Variants in PPARGC1A observed in about 807,000 individuals in gnomAD.
PPARGC1A encodes peroxisome proliferator-activated receptor gamma coactivator 1-alpha.
PPARGC1A carries 25 observed loss-of-function variants against 88.7 expected under a neutral mutation model. The ratio of observed to expected loss-of-function variants is 0.28; its 90% CI spans 0.21 to 0.39. The LOEUF is 0.39. PPARGC1A is among the 10% of genes least tolerant of loss of function. The pLI, the probability that PPARGC1A is intolerant of heterozygous loss-of-function variation, is 1.00. For synonymous variants in PPARGC1A, 363 were observed against 355.6 expected (o/e 1.02, Z -0.24); for missense variants, 880 against 968.7 (o/e 0.91, Z 1.22).
chr4:23,798,880 T>A (rs1424591347), intron 12 of PPARGC1A, among the ~76,000 whole-genome samples: 2 of 152,204 alleles, frequency 1.3e-5, no homozygotes, highest in Non-Finnish European at 2.9e-5. Flanking sequence ...TTTATAATAC[T>A]GGGTCATAAA....
the PPARGC1A span, among the ~76,000 whole-genome samples, chr4:23,961,211 G>C: frequency 2.6e-5 from 4 of 152,052 alleles, no homozygotes; most frequent in African/African-American, 7.2e-5. Context: ...CAGAACTTCC[G>C]ATGACAGAGC....
chr4:23,889,321 A>G (rs1248527079), intron 1 of PPARGC1A: 2 of 985,272 alleles, frequency 2.0e-6, no homozygotes, highest in Admixed American at 6.2e-5. Flanking sequence ...AAATCTTTCA[A>G]CCACGTATAG....
At chr4:24,371,370 A>G in the PPARGC1A span, among the ~76,000 whole-genome samples, 1 of 152,140 alleles carries the variant, frequency 6.6e-6, no homozygotes, top group African/African-American at 2.4e-5. Context: ...ATTTTATCCC[A>G]CCTTCAAGCT....
At chr4:24,194,631 C>CGCACACAT in the PPARGC1A span, among the ~76,000 whole-genome samples, 1 of 12,848 alleles carries the variant, frequency 7.8e-5, no homozygotes, top group African/African-American at 2.0e-4. Context: ...CACGCGCGCG[C>CGCACACAT]ACACACACAC....
chr4:24,175,695 TTTG>T, the PPARGC1A span, among the ~76,000 whole-genome samples: 3 of 151,960 alleles, frequency 2.0e-5, no homozygotes, highest in African/African-American at 4.8e-5. Flanking sequence ...GTCGATTTTT[TTTG>T]TTGTTTATCC....
At chr4:24,435,502 C>T in the PPARGC1A span, among the ~76,000 whole-genome samples, 2 of 152,152 alleles carry the variant, frequency 1.3e-5, no homozygotes, top group Non-Finnish European at 2.9e-5. Context: ...CTGGAGGAAG[C>T]TCTCCCCAAG....
At chr4:24,354,531 C>A in the PPARGC1A span, among the ~76,000 whole-genome samples, 1 of 152,182 alleles carries the variant, frequency 6.6e-6, no homozygotes, top group African/African-American at 2.4e-5. Context: ...TTCTTTTACT[C>A]ACTAAAATTG....
At chr4:23,896,707 C>T (rs554877265) in intron 1 of PPARGC1A, among the ~76,000 whole-genome samples, 1 of 151,944 alleles carries the variant, frequency 6.6e-6, no homozygotes, top group African/African-American at 2.4e-5. Flanking sequence ...TTAATTAGCC[C>T]GGGTGGGGTT....
At chr4:23,902,151 G>A (rs1719483353), upstream of PPARGC1A, among the ~76,000 whole-genome samples, 1 of 151,972 alleles carries the variant, frequency 6.6e-6, no homozygotes, top group South Asian at 2.1e-4. Context: ...TTAAGTCAAA[G>A]ACATTAAAAT....
At chr4:24,152,524 T>C in the PPARGC1A span, among the ~76,000 whole-genome samples, 1 of 152,192 alleles carries the variant, frequency 6.6e-6, no homozygotes, top group Admixed American at 6.5e-5. Context: ...GCTTTTGAGG[T>C]TGAACACAAT....
the PPARGC1A span, among the ~76,000 whole-genome samples, chr4:24,232,924 C>A: frequency 6.6e-6 from 1 of 152,070 alleles, no homozygotes; most frequent in Admixed American, 6.6e-5. Context: ...GAAAGCAAAT[C>A]GTGAAGGAAA....
the PPARGC1A span, among the ~76,000 whole-genome samples, chr4:24,428,585 G>A: frequency 1.3e-5 from 2 of 152,236 alleles, no homozygotes; most frequent in East Asian, 3.8e-4. Context: ...TTATAAAGGG[G>A]AAGCTGGATG....
chr4:24,153,095 C>T, the PPARGC1A span, among the ~76,000 whole-genome samples: 1 of 152,112 alleles, frequency 6.6e-6, no homozygotes, highest in Admixed American at 6.5e-5. Context: ...ACTTTGAATA[C>T]AGGAGGCGAA....
the PPARGC1A span, among the ~76,000 whole-genome samples, chr4:24,366,935 T>C: frequency 5.9e-5 from 9 of 152,288 alleles, no homozygotes; most frequent in Admixed American, 3.3e-4. Flanking sequence ...GGGACATTTA[T>C]GAAGGGAGAA....
At chr4:24,449,330 T>C in the PPARGC1A span, among the ~76,000 whole-genome samples, 1 of 152,208 alleles carries the variant, frequency 6.6e-6, no homozygotes, top group Non-Finnish European at 1.5e-5. Flanking sequence ...TGCCTCAGTG[T>C]AATTGGTCTG....
the PPARGC1A span, among the ~76,000 whole-genome samples, chr4:24,021,186 G>C: frequency 6.6e-6 from 1 of 152,192 alleles, no homozygotes; most frequent in Non-Finnish European, 1.5e-5. Context: ...AAATGCAGAG[G>C]CTCTGCGGAC....
At chr4:24,338,593 C>T in the PPARGC1A span, among the ~76,000 whole-genome samples, 798 of 152,248 alleles carry the variant, frequency 5.2e-3, 2 homozygotes, top group Middle Eastern at 0.01. Flanking sequence ...AGAAGTCTTT[C>T]AAATATGGGA....
At chr4:23,960,160 T>C in the PPARGC1A span, among the ~76,000 whole-genome samples, 9 of 152,298 alleles carry the variant, frequency 5.9e-5, no homozygotes, top group East Asian at 1.7e-3. Flanking sequence ...CTACTTTAGA[T>C]AGGAAGGTCT....
chr4:24,387,265 G>A, the PPARGC1A span, among the ~76,000 whole-genome samples: 7 of 152,106 alleles, frequency 4.6e-5, no homozygotes. Context: ...AGACTTAAAT[G>A]TAAGACCTAA....
Sources: allele counts gnomAD v4.1 joint callset (sites outside exome capture counted in the v4.1 genomes callset), GRCh38; gene constraint gnomAD v4.1.1; transcripts MANE v1.5; gene names NCBI Gene and HGNC (gene_info 2026-07-23, HGNC 2026-07-21).